Variants in GCSAML observed in about 807,000 individuals in gnomAD.
The protein encoded by GCSAML is germinal center associated signaling and motility like, also known as germinal center-associated signaling and motility-like protein.
In GCSAML, 9 loss-of-function variants were observed where a neutral mutation model predicts 13.0. The ratio of observed to expected loss-of-function variants is 0.69; its 90% confidence interval spans 0.42 to 1.21. GCSAML has a LOEUF of 1.21. Ranked by LOEUF, GCSAML falls within the 50% of genes most tolerant of loss-of-function variation. The pLI, the probability that GCSAML is intolerant of heterozygous loss-of-function variation, is 0.00. For synonymous variants in GCSAML, 37 were observed against 52.9 expected, an observed-to-expected ratio of 0.70 and a Z score of 1.31; for missense variants, 143 against 153.4, an observed-to-expected ratio of 0.93 and a Z score of 0.36.
intron 1 of GCSAML, among the ~76,000 whole-genome samples, chr1:247,520,399 C>T (rs1192318074): frequency 1.3e-5 from 2 of 152,200 alleles, no homozygotes; most frequent in African/African-American, 4.8e-5. Flanking sequence ...GGAGTTCTTA[C>T]ATCTGCTTTC....
intron 2 of GCSAML, chr1:247,538,752 C>T: frequency 8.8e-6 from 4 of 456,566 alleles, no homozygotes; most frequent in South Asian, 6.2e-5. Context: ...GAAACCAACC[C>T]TGAGGGTACC....
At chr1:247,514,066 C>T (rs1202400449) in intron 1 of GCSAML, among the ~76,000 whole-genome samples, 1 of 152,022 alleles carries the variant, frequency 6.6e-6, no homozygotes, top group Non-Finnish European at 1.5e-5. Context: ...CTGCAACTTC[C>T]ACCTCCCAGG....
intron 2 of GCSAML, among the ~76,000 whole-genome samples, chr1:247,537,501 A>T (rs1667262248): frequency 6.6e-6 from 1 of 152,190 alleles, no homozygotes; most frequent in East Asian, 1.9e-4. Context: ...TACTGGGTAT[A>T]CCTGGGAGTG....
intron 2 of GCSAML, chr1:247,528,745 C>G (rs549350404): frequency 2.0e-5 from 3 of 152,170 alleles, no homozygotes; most frequent in African/African-American, 7.2e-5. Flanking sequence ...CATTGGATAA[C>G]AAGTTATTAT....
At chr1:247,563,100 G>T (rs1172242903) in intron 2 of GCSAML, among the ~76,000 whole-genome samples, 1 of 149,702 alleles carries the variant, frequency 6.7e-6, no homozygotes, top group African/African-American at 2.5e-5. Flanking sequence ...TGCCCGCCTT[G>T]GCCTCCCAAA....
At chr1:247,538,096 A>T (rs1667283800) in intron 2 of GCSAML, among the ~76,000 whole-genome samples, 1 of 152,148 alleles carries the variant, frequency 6.6e-6, no homozygotes, top group African/African-American at 2.4e-5. Context: ...TACTTCTATG[A>T]TTACTTCTAA....
At chr1:247,571,652 G>A (rs561275691) in intron 4 of GCSAML, among the ~76,000 whole-genome samples, 5 of 152,078 alleles carry the variant, frequency 3.3e-5, no homozygotes, top group South Asian at 2.1e-4. Context: ...TCATTTCAAC[G>A]TCGGTGAATC....
chr1:247,548,924 C>CT, upstream of GCSAML: 1 of 639,102 alleles, frequency 1.6e-6, no homozygotes, highest in East Asian at 3.2e-5. This position sits in a 1 kb window ranked among gnomAD's most constrained non-coding sequence, Gnocchi z 5.3. Context: ...TTTTTTCCCA[C>CT]TGTATGCCCA....
At chr1:247,514,780 G>C (rs936345406) in intron 1 of GCSAML, among the ~76,000 whole-genome samples, 1 of 152,108 alleles carries the variant, frequency 6.6e-6, no homozygotes, top group African/African-American at 2.4e-5. Context: ...ACTGTATTTA[G>C]CTTTAATTAC....
chr1:247,513,068 G>A (rs1471069362), intron 1 of GCSAML, among the ~76,000 whole-genome samples: 13 of 152,188 alleles, frequency 8.5e-5, no homozygotes, highest in South Asian at 2.1e-4. Context: ...TCTCTTTGGA[G>A]CTGGCAGGCA....
At chr1:247,509,681 T>A (rs1665954620) in intron 1 of GCSAML, among the ~76,000 whole-genome samples, 1 of 152,222 alleles carries the variant, frequency 6.6e-6, no homozygotes, top group African/African-American at 2.4e-5. Context: ...ATTCCATCAG[T>A]ACCTAGTTTA....
intron 2 of GCSAML, among the ~76,000 whole-genome samples, chr1:247,538,451 G>A (rs896403530): frequency 6.6e-6 from 1 of 152,142 alleles, no homozygotes; most frequent in Non-Finnish European, 1.5e-5. Flanking sequence ...TTTGGATGGT[G>A]TTATGAACTG....
intron 2 of GCSAML, among the ~76,000 whole-genome samples, chr1:247,540,713 T>C (rs1411443442): frequency 5.3e-5 from 8 of 152,200 alleles, no homozygotes; most frequent in Non-Finnish European, 2.9e-5. Context: ...GAGGGAGGCC[T>C]TACTTTATTG....
chr1:247,531,561 C>T (rs1223710614), intron 2 of GCSAML: 1 of 1,613,166 alleles, frequency 6.2e-7, no homozygotes, highest in East Asian at 2.2e-5. Flanking sequence ...AAATTTGCGC[C>T]AGCTTGCCTG....
At chr1:247,514,993 G>A (rs1666164294) in intron 1 of GCSAML, among the ~76,000 whole-genome samples, 1 of 152,138 alleles carries the variant, frequency 6.6e-6, no homozygotes, top group Non-Finnish European at 1.5e-5. Flanking sequence ...CTAGTTCTGG[G>A]AAGAGTGATG....
Position 247,532,346 on chromosome 1 carries a change from G to T in GCSAML, c.-148+5292G>T. 3 of 1,613,974 alleles carry T rather than the reference G, an allele frequency of 1.9e-6. 1 individual carries two copies. The highest frequency in any genetic ancestry group is 2.2e-5 in the South Asian group (2 of 91,084). On this transcript the variant is annotated intron_variant, in intron 2 of 5. Coordinates refer to the GCSAML transcript ENST00000366489. The stretch of plus-strand genomic sequence containing the variant: ...AGAAAGAAGTACATAGGTGTGTGGA[G>T]GTGCACATCTGTATGGGAGACCAGA...
At chr1:247,512,995 C>T (rs565282100) in intron 1 of GCSAML, among the ~76,000 whole-genome samples, 1 of 152,260 alleles carries the variant, frequency 6.6e-6, no homozygotes, top group East Asian at 1.9e-4. Context: ...GGGTCAAGGA[C>T]CCACTTGAGG....
chr1:247,545,126 T>G (rs1667524662), upstream of GCSAML, among the ~76,000 whole-genome samples: 1 of 152,212 alleles, frequency 6.6e-6, no homozygotes, highest in Non-Finnish European at 1.5e-5. Flanking sequence ...TTGAGTCAGA[T>G]TTGAGAGTTT....
At chr1:247,560,833 A>G (rs939041181) in intron 2 of GCSAML, among the ~76,000 whole-genome samples, 1 of 152,164 alleles carries the variant, frequency 6.6e-6, no homozygotes, top group Non-Finnish European at 1.5e-5. Context: ...TAGTCACCAT[A>G]TCTCAGTGTT....
Sources: allele counts gnomAD v4.1 joint callset (sites outside exome capture counted in the v4.1 genomes callset), GRCh38; gene constraint gnomAD v4.1.1; non-coding constraint Gnocchi (gnomAD v3.1); transcripts MANE v1.5; gene names NCBI Gene and HGNC (gene_info 2026-07-23, HGNC 2026-07-21).